The following MS4A13 variants were observed in gnomAD, a reference collection of about 807,000 sequenced individuals.
MS4A13 encodes the protein membrane spanning 4-domains A13, also known as membrane-spanning 4-domains subfamily A member 13.
Under a neutral mutation model 18.4 loss-of-function variants are expected in MS4A13, and 21 were observed. The observed-to-expected ratio is 1.14, with a 90% CI of 0.81 to 1.64. MS4A13 has a LOEUF of 1.64. Ranked by LOEUF, MS4A13 falls within the 40% of genes most tolerant of loss-of-function variation. MS4A13 has a pLI of 0.00. For synonymous variants in MS4A13, 62 were observed against 57.2 expected (o/e 1.08, Z -0.38); for missense variants, 173 against 176.8 (o/e 0.98, Z 0.12).
chr11:60,517,953 TG>T, intron 2 of MS4A13, 118 bp from the exon 3 acceptor site: 1 of 709,956 alleles, frequency 1.4e-6, no homozygotes, highest in Non-Finnish European at 2.2e-6. Flanking sequence ...CATCATTAAG[TG>T]CATTGCTGTT....
intron 3 of MS4A13, among the ~76,000 whole-genome samples, chr11:60,521,942 G>A (rs1005769701): frequency 7.9e-5 from 12 of 152,270 alleles, no homozygotes; most frequent in African/African-American, 1.9e-4. Context: ...TGTGGCAGAA[G>A]GCAAGGAGGA....
At chr11:60,530,845 G>A (rs1418606014) in intron 6 of MS4A13, among the ~76,000 whole-genome samples, 1 of 152,176 alleles carries the variant, frequency 6.6e-6, no homozygotes, top group Non-Finnish European at 1.5e-5. Context: ...CATGAGATCT[G>A]ATAGTTTTAT....
chr11:60,516,756 A>G (rs1251272078), intron 2 of MS4A13, among the ~76,000 whole-genome samples: 1 of 152,096 alleles, frequency 6.6e-6, no homozygotes, highest in Non-Finnish European at 1.5e-5. Flanking sequence ...AAATAAGAAA[A>G]CCTATCTTGT....
At chr11:60,538,852 T>G (rs916091435) in intron 6 of MS4A13, among the ~76,000 whole-genome samples, 6 of 132,832 alleles carry the variant, frequency 4.5e-5, no homozygotes, top group Admixed American at 2.4e-4. Context: ...TCAGAGAGAT[T>G]TGAATCATGA....
At chr11:60,524,642 T>G (rs926920473) in intron 4 of MS4A13, among the ~76,000 whole-genome samples, 1 of 149,500 alleles carries the variant, frequency 6.7e-6, no homozygotes, top group African/African-American at 2.5e-5. Context: ...AAATGACCTA[T>G]AACATTGAAA....
intron 6 of MS4A13, among the ~76,000 whole-genome samples, chr11:60,532,548 G>T (rs1359261354): frequency 6.6e-6 from 1 of 152,194 alleles, no homozygotes; most frequent in African/African-American, 2.4e-5. Context: ...CTGATTGCTA[G>T]CACAGCAGTC....
intron 3 of MS4A13, among the ~76,000 whole-genome samples, chr11:60,518,757 AT>A (rs2086654740): frequency 6.6e-6 from 1 of 152,214 alleles, no homozygotes. Context: ...TGACCATTGG[AT>A]TTAGCAATAT....
At chr11:60,530,696 T>A (rs1452083764) in intron 6 of MS4A13, among the ~76,000 whole-genome samples, 2 of 152,210 alleles carry the variant, frequency 1.3e-5, no homozygotes, top group African/African-American at 4.8e-5. Context: ...TCCCACCTGA[T>A]ATGGTTAGGC....
intron 3 of MS4A13, among the ~76,000 whole-genome samples, chr11:60,519,445 T>C (rs2086659284): frequency 6.6e-6 from 1 of 151,672 alleles, no homozygotes; most frequent in African/African-American, 2.4e-5. Context: ...GCTCAATGAA[T>C]TAGGAAGCAA....
intron 3 of MS4A13, 139 bp downstream of exon 3, chr11:60,518,351 G>A: frequency 1.5e-6 from 1 of 685,450 alleles, no homozygotes; most frequent in Non-Finnish European, 2.3e-6. Flanking sequence ...TTTATTCAAA[G>A]TCAGATTCCT....
intron 6 of MS4A13, among the ~76,000 whole-genome samples, chr11:60,531,914 T>C (rs2086770099): frequency 6.6e-6 from 1 of 152,174 alleles, no homozygotes; most frequent in Non-Finnish European, 1.5e-5. Flanking sequence ...AGTTAGGACT[T>C]CCAGTATTCC....
At chr11:60,520,745 C>T (rs1338816886) in intron 3 of MS4A13, among the ~76,000 whole-genome samples, 2 of 152,328 alleles carry the variant, frequency 1.3e-5, no homozygotes, top group Non-Finnish European at 2.9e-5. Flanking sequence ...TGCAAGCTGT[C>T]AGAGGATCTA....
intron 6 of MS4A13, among the ~76,000 whole-genome samples, chr11:60,535,395 C>T (rs1240369809): frequency 8.4e-6 from 1 of 119,294 alleles, no homozygotes; most frequent in Admixed American, 9.6e-5. Flanking sequence ...ACTACAAACA[C>T]CTCTACGCAA....
chr11:60,532,386 T>G (rs1458256229), intron 6 of MS4A13, among the ~76,000 whole-genome samples: 1 of 152,206 alleles, frequency 6.6e-6, no homozygotes, highest in African/African-American at 2.4e-5. Context: ...GGGAGTTCCC[T>G]TTCCGAGTCA....
intron 6 of MS4A13, among the ~76,000 whole-genome samples, chr11:60,539,299 A>C (rs1303435425): frequency 2.0e-5 from 3 of 152,062 alleles, no homozygotes; most frequent in Admixed American, 1.3e-4. Context: ...ATTATGAAAA[A>C]CCCAATGGAG....
In MS4A13 at chr11:60,525,225, A is replaced by G. The variant is rs1297150062; in HGVS notation, c.205A>G (p.Ile69Val). The G allele has an allele frequency of 2.6e-6, 4 of 1,563,472 alleles. No homozygotes were observed. ...TTTTCAGATTATAAGTACTTTAATC[A>G]TAAACATCATCTGCATAATTACTAC... ...TRSGIISTLI[I>V]NIICIITTIT... is the part of the protein sequence containing the mutation. The change falls in exon 5 of 7, where the codon ATA becomes GTA. Residue 69 changes from isoleucine to valine, a missense_variant. Transcript: ENST00000378186.
At chr11:60,541,203 C>G (rs1027243648) in intron 6 of MS4A13, among the ~76,000 whole-genome samples, 1 of 152,106 alleles carries the variant, frequency 6.6e-6, no homozygotes, top group Non-Finnish European at 1.5e-5. Context: ...ATTTTTAAAA[C>G]CTTTTGGGCA....
intron 6 of MS4A13, among the ~76,000 whole-genome samples, chr11:60,532,306 T>G (rs1172634450): frequency 6.6e-6 from 1 of 152,120 alleles, no homozygotes; most frequent in Non-Finnish European, 1.5e-5. Flanking sequence ...CGCAGGCCAG[T>G]GTGTGCACGC....
chr11:60,526,539 T>A (rs1226635486), intron 5 of MS4A13, among the ~76,000 whole-genome samples: 1 of 152,242 alleles, frequency 6.6e-6, no homozygotes, highest in African/African-American at 2.4e-5. Flanking sequence ...TTATAGTCTC[T>A]CAAAATCACA....
Sources: allele counts gnomAD v4.1 joint callset (sites outside exome capture counted in the v4.1 genomes callset), GRCh38; gene constraint gnomAD v4.1.1; transcripts MANE v1.5; gene names NCBI Gene and HGNC (gene_info 2026-07-23, HGNC 2026-07-21).